Variants in ANKS1A observed in about 807,000 individuals in gnomAD.
ANKS1A encodes ankyrin repeat and SAM domain-containing protein 1A.
In ANKS1A, 55 loss-of-function variants were observed where a neutral mutation model predicts 120.3. The ratio of observed to expected loss-of-function variants is 0.46; its 90% confidence interval spans 0.37 to 0.57. The LOEUF (loss-of-function observed/expected upper bound fraction) is 0.57. ANKS1A is among the 20% of genes least tolerant of loss of function. ANKS1A has a pLI of 0.00. For synonymous variants in ANKS1A, 590 were observed against 604.7 expected (o/e 0.98, Z 0.36); for missense variants, 1,123 against 1,480.3 (o/e 0.76, Z 3.96).
In ANKS1A at chr6:35,088,976, C is replaced by T; in HGVS notation, c.*367C>T. On this transcript the variant is annotated 3_prime_UTR_variant, in exon 24 of 24. Coordinates refer to ENST00000360359, the MANE Select transcript of ANKS1A (RefSeq NM_015245.3). Reference sequence around the variant, plus strand: ...AATCTTTAGACAAATGGCCATGGGGCAGAGGACAGGGGAGCTGAGGTTGGT... The same window carrying T: ...AATCTTTAGACAAATGGCCATGGGGTAGAGGACAGGGGAGCTGAGGTTGGT... The T allele has an allele frequency of 8.2e-7, 1 of 1,215,766 alleles. No individual in the cohort carries two copies. The highest frequency in any genetic ancestry group is 1.0e-6 in the Non-Finnish European group (1 of 963,702). The allele number at this position is 1,215,766 out of a possible 1,614,324, so 75.3% of individuals were successfully genotyped here.
At chr6:35,049,821 G>A (rs925002320) in intron 11 of ANKS1A, among the ~76,000 whole-genome samples, 4 of 152,222 alleles carry the variant, frequency 2.6e-5, no homozygotes, top group African/African-American at 9.6e-5. Context: ...TTGGCCCCAT[G>A]TCGTAGCCCT....
intron 1 of ANKS1A, among the ~76,000 whole-genome samples, chr6:34,893,866 A>T (rs1296059180): frequency 6.6e-6 from 1 of 152,206 alleles, no homozygotes; most frequent in Non-Finnish European, 1.5e-5. Flanking sequence ...TATGTTTATT[A>T]TGACTGTTAG....
chr6:34,938,158 C>T (rs1246910389), intron 1 of ANKS1A, among the ~76,000 whole-genome samples: 8 of 152,322 alleles, frequency 5.3e-5, no homozygotes, highest in African/African-American at 1.9e-4. Context: ...CATTTTAAAG[C>T]ACATTATAAG....
intron 11 of ANKS1A, among the ~76,000 whole-genome samples, chr6:35,039,228 C>G (rs371582619): frequency 2.1e-5 from 2 of 94,226 alleles, no homozygotes; most frequent in African/African-American, 4.3e-5. Flanking sequence ...GATGGAGTTT[C>G]GCTCTTGTTG....
chr6:35,010,206 T>TA (rs1773686935), intron 10 of ANKS1A, among the ~76,000 whole-genome samples: 1 of 152,090 alleles, frequency 6.6e-6, no homozygotes, highest in Admixed American at 6.6e-5. Flanking sequence ...GAGTAGAGCT[T>TA]ATGTTTAGAG....
chr6:35,064,644 T>C lies in ANKS1A; in HGVS notation c.2184+4391T>C, dbSNP rs145664938. Among the ~76,000 whole-genome samples, 11 of 152,330 alleles carry C rather than the reference T, an allele frequency of 7.2e-5. No individual in the cohort carries two copies. In the East Asian group the frequency reaches 2.1e-3, roughly 29 times the overall value. On this transcript the variant is annotated intron_variant, in intron 13 of 23. Transcript: ENST00000360359. Reference sequence around the variant, plus strand: ...TCCAGCCCTCTAAACCAGCTTCACGTGAACAGTGGGGCTTGTCATCACCTC... The same window carrying C: ...TCCAGCCCTCTAAACCAGCTTCACGCGAACAGTGGGGCTTGTCATCACCTC...
rs1332264306 is a variant in ANKS1A at position 34,889,469 on chromosome 6, C to T, written c.67C>T (p.Leu23=). 1.6e-6 allele frequency: 2 copies of T among 1,288,310 alleles called. No homozygotes were observed. 79.8% of individuals were successfully genotyped at this position (1,288,310 alleles called of 1,614,324 possible). ...GCACCTCCCGGCGGTGGAGAAGCTG[C>T]TGTCCGGGAAGCGGCTCTCCTCAGG... ...TGHLPAVEKL[L]SGKRLSSGFG... The change falls in exon 1 of 24, where the codon CTG becomes TTG. Residue 23 remains leucine, a synonymous_variant. Transcript: ENST00000360359. This position sits in a 1 kb window ranked among gnomAD's most constrained non-coding sequence, Gnocchi z 5.5.
In ANKS1A at chr6:34,989,277, C is replaced by G; in HGVS notation, c.1263C>G (p.Asp421Glu). The G allele has an allele frequency of 6.2e-7, 1 of 1,614,052 alleles. No homozygotes were observed. The highest frequency in any genetic ancestry group is 8.5e-7 in the Non-Finnish European group (1 of 1,179,932). Residue 421 changes from aspartate to glutamate, a missense_variant, in exon 9 of 24, where the codon GAC (aspartate) becomes GAG (glutamate). Asp to Glu is a conservative substitution (Grantham distance 45). Coordinates refer to ENST00000360359, the MANE Select transcript of ANKS1A (RefSeq NM_015245.3). The part of the protein sequence containing the change: ...AKPPPDEEEE[D>E]HIDKKYFPLT... ...CACCGCCCGATGAAGAGGAAGAAGA[C>G]CACATAGATAAGAAGTATTTTCCCT...
At chr6:34,955,782 C>G (rs1770333725) in intron 1 of ANKS1A, among the ~76,000 whole-genome samples, 1 of 152,180 alleles carries the variant, frequency 6.6e-6, no homozygotes, top group Admixed American at 6.5e-5. Flanking sequence ...TCTTTTTATA[C>G]TTGACTGATT....
intron 10 of ANKS1A, chr6:35,005,897 A>G: frequency 9.0e-6 from 3 of 332,434 alleles, no homozygotes; most frequent in South Asian, 6.9e-5. Context: ...TACTAAATAT[A>G]CAAGAATTAG....
At chr6:35,076,976 T>G (rs6930756) in intron 13 of ANKS1A, among the ~76,000 whole-genome samples, 29,736 of 151,540 alleles carry the variant, frequency 0.2, 3,618 homozygotes, top group East Asian at 0.58. Flanking sequence ...CAGCGTGGAG[T>G]AGGGAGGGAG....
At chr6:34,941,845 C>G (rs1185217010) in intron 1 of ANKS1A, among the ~76,000 whole-genome samples, 1 of 152,164 alleles carries the variant, frequency 6.6e-6, no homozygotes, top group East Asian at 1.9e-4. Context: ...GGGACATGGT[C>G]TAACTTGTGC....
intron 11 of ANKS1A, among the ~76,000 whole-genome samples, chr6:35,048,459 C>A (rs372536073): frequency 6.6e-6 from 1 of 152,166 alleles, no homozygotes; most frequent in Non-Finnish European, 1.5e-5. Flanking sequence ...CCCTGCCATG[C>A]GCCTTTCCCC....
At chr6:34,985,978 A>G (rs1018200912) in intron 8 of ANKS1A, among the ~76,000 whole-genome samples, 10 of 152,210 alleles carry the variant, frequency 6.6e-5, no homozygotes, top group Non-Finnish European at 1.2e-4. Context: ...TGAAAATCTC[A>G]TAAGTCAAAA....
intron 1 of ANKS1A, among the ~76,000 whole-genome samples, chr6:34,948,842 G>A (rs1350817414): frequency 6.6e-6 from 1 of 152,158 alleles, no homozygotes; most frequent in Non-Finnish European, 1.5e-5. Context: ...AGAAGTAAGG[G>A]AAGAAAGGCA....
chr6:34,944,658 T>C (rs1030731529), intron 1 of ANKS1A, among the ~76,000 whole-genome samples: 3 of 152,158 alleles, frequency 2.0e-5, no homozygotes, highest in African/African-American at 7.2e-5. Context: ...ATACCCAAGT[T>C]TCTCAGTCAG....
intron 13 of ANKS1A, among the ~76,000 whole-genome samples, chr6:35,064,069 G>A (rs901373005): frequency 2.0e-5 from 3 of 152,248 alleles, no homozygotes; most frequent in African/African-American, 7.2e-5. Context: ...GCCCTGACCA[G>A]GCGGGAGAGA....
At position 35,000,830 on chromosome 6, in the gene ANKS1A, T is replaced by TA. The variant is rs933280625; in HGVS notation, c.1423+6416dup. 5.9e-5 allele frequency among the ~76,000 whole-genome samples: 9 copies of TA among 152,052 alleles called. No homozygotes were observed. The East Asian group carries it at 1.7e-3, about 29-fold the overall frequency. On this transcript the variant is annotated intron_variant, in intron 10 of 23. Coordinates refer to ENST00000360359, the MANE Select transcript of ANKS1A (RefSeq NM_015245.3). ...TGGATTTTTACCTACATTAAAAGGT[T>TA]AAAAAAAATTATTGCTTTGAAAGTT...
Position 35,082,393 on chromosome 6 carries a change from A to G in ANKS1A, c.2710-298A>G, listed in dbSNP as rs537821601. On this transcript the variant is annotated intron_variant, in intron 17 of 23. Transcript: ENST00000360359. The surrounding 1 kb of genome is among the most constrained non-coding windows in gnomAD (Gnocchi z 4.1). ...CTGTGCCCCCCACACAGACTCTGCCATCTCCTCTCTGGTCATTTCCCATCT... is the reference window on the plus strand; with the variant it reads ...CTGTGCCCCCCACACAGACTCTGCCGTCTCCTCTCTGGTCATTTCCCATCT... Among the ~76,000 whole-genome samples, 41 of 151,230 alleles carry G rather than the reference A, an allele frequency of 2.7e-4. No individual in the cohort carries two copies. Among genetic ancestry groups the G allele is most frequent in the Non-Finnish European group, 5.0e-4 (34 of 67,854 alleles).
Sources: gnomAD v4.1 joint callset for allele counts (sites outside exome capture counted in the v4.1 genomes callset) on GRCh38, gnomAD v4.1.1 for gene constraint, Gnocchi (gnomAD v3.1) non-coding constraint, MANE v1.5 for transcripts, NCBI Gene and HGNC (gene_info 2026-07-23, HGNC 2026-07-21) for gene names.